PDE4D: variants seen among roughly 807,000 people sequenced by gnomAD.
The protein encoded by PDE4D is 3',5'-cyclic-AMP phosphodiesterase 4D.
PDE4D carries 24 observed loss-of-function variants against 87.4 expected under a neutral mutation model. The observed-to-expected ratio is 0.27, with a 90% CI of 0.20 to 0.39. The LOEUF is 0.39. Among genes scored for constraint, PDE4D ranks in the 10% least tolerant of loss-of-function variants. PDE4D has a pLI of 1.00. For missense variants in PDE4D, 714 were observed against 1,041.0 expected, an observed-to-expected ratio of 0.69 and a Z score of 4.32; for synonymous variants, 384 against 383.2, an observed-to-expected ratio of 1.00 and a Z score of -0.02.
intron 2 of PDE4D, among the ~76,000 whole-genome samples, chr5:59,206,630 T>C (rs1221645854): frequency 2.0e-5 from 3 of 152,320 alleles, no homozygotes; most frequent in African/African-American, 4.8e-5. Context: ...AAAAATTAAA[T>C]AAAGACAAGA....
At chr5:59,875,805 T>C (rs1024118945) in intron 1 of PDE4D, among the ~76,000 whole-genome samples, 3 of 152,306 alleles carry the variant, frequency 2.0e-5, no homozygotes, top group Admixed American at 2.0e-4. Flanking sequence ...TCATGTCTTA[T>C]GCAGGGACAT....
intron 3 of PDE4D, among the ~76,000 whole-genome samples, chr5:59,966,640 A>G (rs1006072885): frequency 2.0e-5 from 3 of 152,182 alleles, no homozygotes; most frequent in African/African-American, 7.2e-5. Context: ...ACTGATGCCA[A>G]TTTTATTTTT....
rs1561690311 is a variant in PDE4D at position 59,200,252 on chromosome 5, CGTATACATACATAT to C, written c.648-6730_648-6717del. Among the ~76,000 whole-genome samples the C allele has an allele frequency of 2.5e-3, 336 of 134,210 alleles. 16 individuals are homozygous for C. Among genetic ancestry groups the C allele is most frequent in the Non-Finnish European group, 3.0e-3 (188 of 63,668 alleles). The allele number at this position is 134,210 out of a possible 152,430, so 88.0% of individuals were successfully genotyped here. Reference sequence around the variant, plus strand: ...ATACATATGTGTATGTACAGCTACACGTATACATACATATGTGTATGTACAGCTACAAGTATACA... The same window carrying C: ...ATACATATGTGTATGTACAGCTACACGTGTATGTACAGCTACAAGTATACA... On this transcript the variant is annotated intron_variant, in intron 2 of 14. Transcript: ENST00000340635.
At chr5:59,853,537 A>C (rs1459720436) in intron 1 of PDE4D, among the ~76,000 whole-genome samples, 1 of 152,052 alleles carries the variant, frequency 6.6e-6, no homozygotes, top group Non-Finnish European at 1.5e-5. Context: ...TCTGCCATTA[A>C]AATTTTATAT....
chr5:59,520,850 T>C (rs1386570260), intron 1 of PDE4D, among the ~76,000 whole-genome samples: 2 of 151,560 alleles, frequency 1.3e-5, no homozygotes, highest in Non-Finnish European at 2.9e-5. Context: ...TAATGGAATA[T>C]GTATATGCAC....
chr5:59,727,875 T>C (rs1217593348), intron 1 of PDE4D, among the ~76,000 whole-genome samples: 1 of 152,104 alleles, frequency 6.6e-6, no homozygotes, highest in Admixed American at 6.6e-5. Context: ...ACAATAGGAA[T>C]TATTATTATT....
At chr5:60,401,771 T>C (rs1023292408) in intron 1 of PDE4D, among the ~76,000 whole-genome samples, 3 of 152,180 alleles carry the variant, frequency 2.0e-5, no homozygotes, top group Non-Finnish European at 4.4e-5. Context: ...GTGCTACTTA[T>C]TACAGAACAT....
At chr5:59,049,523 G>T (rs1761219101) in intron 5 of PDE4D, among the ~76,000 whole-genome samples, 1 of 152,032 alleles carries the variant, frequency 6.6e-6, no homozygotes. Context: ...AAATAAAAAT[G>T]ACAAGTATTA....
intron 2 of PDE4D, among the ~76,000 whole-genome samples, chr5:60,133,190 A>G (rs897520871): frequency 1.3e-5 from 2 of 152,190 alleles, no homozygotes; most frequent in Non-Finnish European, 2.9e-5. Flanking sequence ...AAGAGGATGA[A>G]CAAGGTGATC....
intron 1 of PDE4D, among the ~76,000 whole-genome samples, chr5:59,567,054 G>A (rs1821059211): frequency 2.6e-5 from 4 of 152,132 alleles, no homozygotes; most frequent in Admixed American, 2.6e-4. Flanking sequence ...CCTAATGTAA[G>A]AATTAAATGC....
At chr5:59,184,563 T>TA (rs34229817) in intron 4 of PDE4D, among the ~76,000 whole-genome samples, 55,751 of 151,846 alleles carry the variant, frequency 0.37, 11,079 homozygotes, top group Middle Eastern at 0.48. Context: ...AGATTTTTTT[T>TA]AAAAAAATGG....
At chr5:59,107,107 CTG>C (rs145505572) in intron 5 of PDE4D, among the ~76,000 whole-genome samples, 7 of 151,780 alleles carry the variant, frequency 4.6e-5, no homozygotes, top group East Asian at 1.9e-4. Flanking sequence ...CAAGCTACAT[CTG>C]TGTGTGTGTG....
intron 3 of PDE4D, among the ~76,000 whole-genome samples, chr5:59,939,985 G>A (rs1757010238): frequency 1.3e-5 from 2 of 152,090 alleles, no homozygotes; most frequent in Non-Finnish European, 2.9e-5. Flanking sequence ...TCATACAAGT[G>A]GACAGTCCCA....
At chr5:60,106,555 AT>A (rs1230697813) in intron 2 of PDE4D, among the ~76,000 whole-genome samples, 2 of 151,794 alleles carry the variant, frequency 1.3e-5, no homozygotes, top group East Asian at 1.9e-4. Context: ...CAGAATATAC[AT>A]TTTTTTCAGC....
intron 1 of PDE4D, among the ~76,000 whole-genome samples, chr5:59,722,984 T>C (rs1756069571): frequency 6.6e-6 from 1 of 152,144 alleles, no homozygotes; most frequent in African/African-American, 2.4e-5. Flanking sequence ...CATTATTATA[T>C]AGTCATGGTT....
At chr5:59,695,682 G>A (rs1339168631) in intron 1 of PDE4D, among the ~76,000 whole-genome samples, 1 of 152,128 alleles carries the variant, frequency 6.6e-6, no homozygotes, top group Non-Finnish European at 1.5e-5. Context: ...GTTCGCTGCA[G>A]CCTTGACCTC....
At chr5:59,312,259 G>A (rs192328875) in intron 1 of PDE4D, among the ~76,000 whole-genome samples, 1 of 152,304 alleles carries the variant, frequency 6.6e-6, no homozygotes, top group East Asian at 1.9e-4. Context: ...CTTACATTTA[G>A]ATTAATTTGG....
intron 5 of PDE4D, among the ~76,000 whole-genome samples, chr5:59,088,605 G>T (rs1768144304): frequency 2.0e-5 from 3 of 152,154 alleles, no homozygotes; most frequent in Admixed American, 6.5e-5. Context: ...AAACACCATG[G>T]AATACTATGA....
At chr5:59,158,778 T>A (rs1780600868) in intron 5 of PDE4D, among the ~76,000 whole-genome samples, 1 of 152,218 alleles carries the variant, frequency 6.6e-6, no homozygotes. Context: ...TAGGCAGAGC[T>A]GGGATTATAC....
Sources: allele counts gnomAD v4.1 joint callset (sites outside exome capture counted in the v4.1 genomes callset), GRCh38; gene constraint gnomAD v4.1.1; transcripts MANE v1.5; gene names NCBI Gene and HGNC (gene_info 2026-07-23, HGNC 2026-07-21).